Variants in CNOT9 observed in about 807,000 individuals in gnomAD.
The protein encoded by CNOT9 is CCR4-NOT transcription complex subunit 9, also known as RCD1 required for cell differentiation1 homolog.
CNOT9 carries 8 observed loss-of-function variants against 37.4 expected under a neutral mutation model. The observed-to-expected ratio is 0.21, with a 90% CI of 0.13 to 0.39. CNOT9 has a LOEUF of 0.39. Among genes scored for constraint, CNOT9 ranks in the 10% least tolerant of loss-of-function variants. The pLI, the probability that CNOT9 is intolerant of heterozygous loss-of-function variation, is 1.00. For missense variants in CNOT9, 154 were observed against 365.3 expected, an observed-to-expected ratio of 0.42 and a Z score of 4.71; for synonymous variants, 120 against 137.6, an observed-to-expected ratio of 0.87 and a Z score of 0.90.
chr2:218,576,590 C>T (rs887341716), intron 1 of CNOT9, among the ~76,000 whole-genome samples: 3 of 152,204 alleles, frequency 2.0e-5, no homozygotes, highest in African/African-American at 7.2e-5. Flanking sequence ...TTTTGTTGAA[C>T]TACCACCAAT....
chr2:218,575,840 A>G (rs773585662), intron 1 of CNOT9, among the ~76,000 whole-genome samples: 11 of 152,232 alleles, frequency 7.2e-5, no homozygotes, highest in Non-Finnish European at 1.5e-4. Context: ...CTTGCCTGTC[A>G]GTGAGCAATG....
At chr2:218,569,555 A>T (rs1222889219) in intron 1 of CNOT9, among the ~76,000 whole-genome samples, 1 of 152,212 alleles carries the variant, frequency 6.6e-6, no homozygotes, top group Non-Finnish European at 1.5e-5. Context: ...AGCTATCCGA[A>T]GTAATCCTAC....
intron 1 of CNOT9, among the ~76,000 whole-genome samples, chr2:218,577,245 C>G (rs1028438333): frequency 9.2e-5 from 14 of 152,116 alleles, no homozygotes; most frequent in African/African-American, 3.1e-4. Context: ...TTGTATTCAT[C>G]CCATGACAGG....
Position 218,594,502 on chromosome 2 carries a change from A to C in CNOT9, c.*226A>C. The C allele has an allele frequency of 7.3e-6, 4 of 548,168 alleles. No individual in the cohort carries two copies. Among genetic ancestry groups the C allele is most frequent in the Admixed American group, 3.3e-5 (1 of 29,924 alleles). 34.0% of individuals were successfully genotyped at this position (548,168 alleles called of 1,614,324 possible). ...TACTCCCAGGAAATGGGCTCCTGAC[A>C]CAGCAGTCTGCCACCACAGCCCCAG... On this transcript the variant is annotated 3_prime_UTR_variant, in exon 8 of 8. Transcript: ENST00000273064.
intron 1 of CNOT9, among the ~76,000 whole-genome samples, chr2:218,569,617 C>T (rs1250689127): frequency 6.6e-6 from 1 of 152,136 alleles, no homozygotes; most frequent in Non-Finnish European, 1.5e-5. Flanking sequence ...CCTGCACGGC[C>T]CTGTATGATG....
intron 4 of CNOT9, among the ~76,000 whole-genome samples, chr2:218,586,488 CT>C (rs779670750): frequency 2.4e-3 from 331 of 137,600 alleles, no homozygotes; most frequent in Admixed American, 2.9e-3. Flanking sequence ...CTGATCTCAG[CT>C]TTTTTTTTTT....
intron 2 of CNOT9, among the ~76,000 whole-genome samples, chr2:218,582,521 T>G (rs1021597726): frequency 3.9e-5 from 6 of 152,108 alleles, no homozygotes; most frequent in African/African-American, 1.4e-4. Flanking sequence ...AAACCCCATC[T>G]CTACTAAAAA....
At chr2:218,572,193 C>G (rs1023374075) in intron 1 of CNOT9, among the ~76,000 whole-genome samples, 1 of 151,790 alleles carries the variant, frequency 6.6e-6, no homozygotes, top group Non-Finnish European at 1.5e-5. Flanking sequence ...TGGTGGCAGG[C>G]GCCTGTAATC....
intron 5 of CNOT9, 150 bp downstream of exon 5, chr2:218,587,845 A>C: frequency 2.3e-6 from 1 of 432,116 alleles, no homozygotes; most frequent in Non-Finnish European, 4.0e-6. Context: ...TTATTGAAAA[A>C]CCCAAACCAT....
chr2:218,574,343 G>C (rs2106079802), intron 1 of CNOT9: 1 of 154,990 alleles, frequency 6.5e-6, no homozygotes, highest in South Asian at 1.8e-4. Context: ...AAGTGTTAAG[G>C]ATAACTCATA....
intron 1 of CNOT9, 55 bp downstream of exon 1, chr2:218,569,033 T>G (rs1266089388): frequency 1.9e-6 from 3 of 1,595,692 alleles, no homozygotes; most frequent in Non-Finnish European, 1.7e-6. Flanking sequence ...GACCCACGTT[T>G]CGGCCTTCTC....
rs199620841 is a variant in CNOT9 at position 218,594,103 on chromosome 2, T to C, written c.732-5T>C. 24 of 1,614,118 alleles carry C rather than the reference T, an allele frequency of 1.5e-5. No individual in the cohort carries two copies. In the East Asian group the frequency reaches 4.0e-4, roughly 27 times the overall value. ...CCCTGGTTGGTTTGTTTGTTTCTGA[T>C]GTAGGGCACGTGAAGCACTCAGACA... On this transcript the variant is annotated splice_polypyrimidine_tract_variant and splice_region_variant and intron_variant, in intron 7 of 7. Transcript: ENST00000273064.
Position 218,592,808 on chromosome 2 carries a change from G to A in CNOT9, c.731+101G>A, listed in dbSNP as rs770713634. Reference sequence around the variant, plus strand: ...CTGTGTCTTTAGGACAGGGAAGTGGGGATATAACTGCATTTAGTTTGTCTG... The same window carrying A: ...CTGTGTCTTTAGGACAGGGAAGTGGAGATATAACTGCATTTAGTTTGTCTG... On this transcript the variant is annotated intron_variant, in intron 7 of 7. Coordinates refer to ENST00000273064, the MANE Select transcript of CNOT9 (RefSeq NM_005444.3). The surrounding 1 kb of genome is among the most constrained non-coding windows in gnomAD (Gnocchi z 4.1). The A allele has an allele frequency of 6.9e-6, 6 of 869,542 alleles. No individual in the cohort carries two copies. The highest frequency in any genetic ancestry group is 1.1e-5 in the Non-Finnish European group (6 of 534,324). 53.9% of individuals were successfully genotyped at this position (869,542 alleles called of 1,614,324 possible).
At chr2:218,569,802 A>G (rs1693912212) in intron 1 of CNOT9, among the ~76,000 whole-genome samples, 1 of 152,166 alleles carries the variant, frequency 6.6e-6, no homozygotes, top group Non-Finnish European at 1.5e-5. Context: ...ACACAGCATG[A>G]GTGTAATTGG....
Position 218,571,348 on chromosome 2 carries a change from C to G in CNOT9, c.24+2370C>G, listed in dbSNP as rs908686591. Among the ~76,000 whole-genome samples the G allele has an allele frequency of 3.9e-5, 6 of 152,252 alleles. No individual in the cohort carries two copies. The South Asian group carries it at 8.3e-4, about 21-fold the overall frequency. On this transcript the variant is annotated intron_variant, in intron 1 of 7. Coordinates refer to ENST00000273064, the MANE Select transcript of CNOT9 (RefSeq NM_005444.3). ...GGGAGGACACTTCACCCCAGGAGTT[C>G]CAGGCTACTGTGTGCTATGAAGGCA...
chr2:218,590,041 A>G (rs756528016), intron 5 of CNOT9, among the ~76,000 whole-genome samples: 1 of 122,276 alleles, frequency 8.2e-6, no homozygotes, highest in Non-Finnish European at 1.7e-5. Context: ...TGGTAGAAAT[A>G]TTGCTTTTTT....
chr2:218,582,668 TA>T lies in CNOT9; in HGVS notation c.205-301del, dbSNP rs1474430649. ...TCGTGCCACTGCACTCCAGCCCGGG[TA>T]ACAGAGCGAGACTCCGTCTCAAAAA... On this transcript the variant is annotated intron_variant, in intron 2 of 7. Transcript: ENST00000273064. Among the ~76,000 whole-genome samples the T allele has an allele frequency of 5.3e-5, 8 of 150,382 alleles. No individual in the cohort carries two copies. In the East Asian group the frequency reaches 1.6e-3, roughly 30 times the overall value.
intron 1 of CNOT9, among the ~76,000 whole-genome samples, chr2:218,573,258 T>C (rs574977034): frequency 1.7e-4 from 26 of 148,904 alleles, no homozygotes; most frequent in African/African-American, 6.4e-4. Flanking sequence ...GCGCAGGTTA[T>C]AGTGAGCTGA....
At chr2:218,573,774 C>G in intron 1 of CNOT9, 1 of 202,202 alleles carries the variant, frequency 4.9e-6, no homozygotes, top group Non-Finnish European at 1.0e-5. Context: ...TGGAGTTAAC[C>G]ATTGGTAACT....
Sources: gnomAD v4.1 joint callset for allele counts (sites outside exome capture counted in the v4.1 genomes callset) on GRCh38, gnomAD v4.1.1 for gene constraint, Gnocchi (gnomAD v3.1) non-coding constraint, MANE v1.5 for transcripts, NCBI Gene and HGNC (gene_info 2026-07-23, HGNC 2026-07-21) for gene names.